The following DLK1 variants were observed in gnomAD, a reference collection of about 807,000 sequenced individuals.
DLK1 encodes the protein protein delta homolog 1.
Under a neutral mutation model 35.2 loss-of-function variants are expected in DLK1, and 9 were observed. That is an observed-to-expected ratio of 0.26 (90% CI 0.15 to 0.45). The LOEUF (loss-of-function observed/expected upper bound fraction) is 0.45. Ranked by LOEUF, DLK1 falls within the 20% of genes least tolerant of loss-of-function variation. DLK1 has a pLI of 1.00. For synonymous variants in DLK1, 231 were observed against 228.4 expected, an observed-to-expected ratio of 1.01 and a Z score of -0.10; for missense variants, 522 against 528.5, an observed-to-expected ratio of 0.99 and a Z score of 0.12.
chr14:100,730,740 C>T (rs1304942406), intron 3 of DLK1, among the ~76,000 whole-genome samples: 1 of 152,190 alleles, frequency 6.6e-6, no homozygotes. Flanking sequence ...GACGCGGAGG[C>T]GCCACGTGCT....
chr14:100,729,310 G>A (rs1404769022), intron 3 of DLK1: 14 of 697,552 alleles, frequency 2.0e-5, no homozygotes, highest in Non-Finnish European at 3.0e-5. Flanking sequence ...GGAACATGGC[G>A]TGGGGGCCAG....
rs773256340 is a variant in DLK1 at position 100,734,363 on chromosome 14, C to T, written c.619C>T (p.Arg207Cys). Reference sequence around the variant, plus strand: ...CGGCTTCATCGACAAGACCTGCAGCCGCCCGGTGACCAACTGCGCCAGCAG... The same window carrying T: ...CGGCTTCATCGACAAGACCTGCAGCTGCCCGGTGACCAACTGCGCCAGCAG... ...PAGFIDKTCSRPVTNCASSPC... is the reference protein window; with the variant it reads ...PAGFIDKTCSCPVTNCASSPC... Residue 207 changes from arginine to cysteine, a missense_variant, in exon 5 of 5, where the codon CGC becomes TGC. Physicochemically the swap from Arg to Cys is radical, Grantham distance 180 (BLOSUM62 -3). Coordinates refer to ENST00000341267, the MANE Select transcript of DLK1 (RefSeq NM_003836.7). The surrounding 1 kb of genome is among the most constrained non-coding windows in gnomAD (Gnocchi z 7.4). 35 of 1,612,180 alleles carry T rather than the reference C, an allele frequency of 2.2e-5. No individual in the cohort carries two copies. Among genetic ancestry groups the T allele is most frequent in the Middle Eastern group, 1.6e-4 (1 of 6,074 alleles).
chr14:100,732,724 G>T (rs888450737), intron 4 of DLK1, among the ~76,000 whole-genome samples: 1 of 152,184 alleles, frequency 6.6e-6, no homozygotes, highest in Non-Finnish European at 1.5e-5. Context: ...GGACTCCTGG[G>T]CAGCGGACAT....
At position 100,738,058 on chromosome 14, in the gene DLK1, G is replaced by A. The variant is rs2139869301; in HGVS notation, c.*3162G>A. Reference sequence around the variant, plus strand: ...GCTCAAAGACAGCGATCCAAGACATGATCAGCAATTTGGTCCCAAATTAGG... The same window carrying A: ...GCTCAAAGACAGCGATCCAAGACATAATCAGCAATTTGGTCCCAAATTAGG... On this transcript the variant is annotated 3_prime_UTR_variant, in exon 5 of 5. Transcript: ENST00000341267. The A allele has an allele frequency of 6.6e-6, 1 of 152,306 alleles. No homozygotes were observed. Among genetic ancestry groups the A allele is most frequent in the African/African-American group, 2.4e-5 (1 of 41,562 alleles). 9.4% of individuals were successfully genotyped at this position (152,306 alleles called of 1,614,324 possible).
Position 100,734,143 on chromosome 14 carries a change from T to C in DLK1, c.405-6T>C, listed in dbSNP as rs1242763963. On this transcript the variant is annotated splice_region_variant and splice_polypyrimidine_tract_variant and intron_variant, in intron 4 of 4. Coordinates refer to ENST00000341267, the MANE Select transcript of DLK1 (RefSeq NM_003836.7). This position sits in a 1 kb window ranked among gnomAD's most constrained non-coding sequence, Gnocchi z 7.4. The stretch of plus-strand genomic sequence containing the variant: ...GGCCGTTTACTATGTCCCTGTTGTG[T>C]TGCAGCTCCCCCTGCCAGCACGGAG... 1 of 1,594,904 alleles carries C rather than the reference T, an allele frequency of 6.3e-7. No individual in the cohort carries two copies. Among genetic ancestry groups the C allele is most frequent in the East Asian group, 2.2e-5 (1 of 44,780 alleles).
Position 100,726,990 on chromosome 14 carries a change from A to T in DLK1, c.-79A>T. 7.2e-7 allele frequency: 1 copy of T among 1,381,768 alleles called. No homozygotes were observed. The highest frequency in any genetic ancestry group is 9.5e-7 in the Non-Finnish European group (1 of 1,057,296). The allele number at this position is 1,381,768 out of a possible 1,614,324, so 85.6% of individuals were successfully genotyped here. A position where few individuals can be genotyped will look rare whatever the true frequency, so the allele number is the denominator to read the frequency against. On this transcript the variant is annotated 5_prime_UTR_variant, in exon 1 of 5. Transcript: ENST00000341267. The surrounding 1 kb of genome is among the most constrained non-coding windows in gnomAD (Gnocchi z 4.2). ...CGCCCGCGCCCCCTTTCGCGTCCGCAACCAGAAGCCCAGTGCGGCGCCAGG... is the reference window on the plus strand; with the variant it reads ...CGCCCGCGCCCCCTTTCGCGTCCGCTACCAGAAGCCCAGTGCGGCGCCAGG...
At chr14:100,729,238 C>T (rs965665885) in intron 3 of DLK1, 172 bp downstream of exon 3, 2 of 1,174,212 alleles carry the variant, frequency 1.7e-6, no homozygotes, top group South Asian at 1.3e-5. Flanking sequence ...TACCGAATGC[C>T]TCCTCAGAGG....
Position 100,726,913 on chromosome 14 carries a change from G to A in DLK1, c.-156G>A, listed in dbSNP as rs2036439908. ...CGGCGGCAGCTCCCCGGCAGCGGCG[G>A]TGGAGAGCGCAGCGCGCAGCCCGGT... is the stretch of plus-strand genomic sequence containing the variant. On this transcript the variant is annotated 5_prime_UTR_variant, in exon 1 of 5. The change creates a new upstream start codon in the 5' untranslated region. Transcript: ENST00000341267. This position sits in a 1 kb window ranked among gnomAD's most constrained non-coding sequence, Gnocchi z 4.2. 2 of 587,876 alleles carry A rather than the reference G, an allele frequency of 3.4e-6. No individual in the cohort carries two copies. The highest frequency in any genetic ancestry group is 3.9e-5 in the African/African-American group (2 of 50,934). 36.4% of individuals were successfully genotyped at this position (587,876 alleles called of 1,614,324 possible).
chr14:100,732,190 A>G lies in DLK1; in HGVS notation c.404+7A>G, dbSNP rs765925458. ...GGCCCTGTGTGATCAACGGGTAAAT[A>G]TCCTTCCTGTGTGTGATCTAATGAA... On this transcript the variant is annotated splice_region_variant and intron_variant, in intron 4 of 4. Transcript: ENST00000341267. The G allele has an allele frequency of 1.2e-6, 2 of 1,611,766 alleles. No homozygotes were observed. The highest frequency in any genetic ancestry group is 1.7e-6 in the Non-Finnish European group (2 of 1,178,958).
In DLK1 at chr14:100,731,584, G is replaced by C. The variant is rs568343142; in HGVS notation, c.263-458G>C. On this transcript the variant is annotated intron_variant, in intron 3 of 4. Coordinates refer to ENST00000341267, the MANE Select transcript of DLK1 (RefSeq NM_003836.7). ...CTTTGATGGAAAAGTATGAAGAGCT[G>C]GTGGTTTTTCTGAGGGTTGGGCTGT... is the stretch of plus-strand genomic sequence containing the variant. 5.3e-5 allele frequency among the ~76,000 whole-genome samples: 8 copies of C among 152,152 alleles called. No homozygotes were observed. In the South Asian group the frequency reaches 1.7e-3, roughly 32 times the overall value.
In DLK1 at chr14:100,728,538, A is replaced by T; in HGVS notation, c.131+79A>T. On this transcript the variant is annotated intron_variant, in intron 2 of 4. Transcript: ENST00000341267. The stretch of plus-strand genomic sequence containing the variant: ...GAGTCGTGAAGTCAGGCAGAAAAAA[A>T]TAGGGGGCTTGGCCACTACGCTGCA... 7 of 1,450,864 alleles carry T rather than the reference A, an allele frequency of 4.8e-6. 1 individual carries two copies. In the South Asian group the frequency reaches 7.9e-5, roughly 16 times the overall value. The allele number at this position is 1,450,864 out of a possible 1,614,324, so 89.9% of individuals were successfully genotyped here.
In DLK1 at chr14:100,734,290, C is replaced by A. The variant is rs201043185; in HGVS notation, c.546C>A (p.Asp182Glu). The change falls in exon 5 of 5, where the codon GAC becomes GAA. Residue 182 changes from aspartate (D) to glutamate (E), a missense_variant. Physicochemically the swap from Asp to Glu is conservative, Grantham distance 45. Coordinates refer to ENST00000341267, the MANE Select transcript of DLK1 (RefSeq NM_003836.7). The surrounding 1 kb of genome is among the most constrained non-coding windows in gnomAD (Gnocchi z 7.4). ...NSCTPNPCEN[D>E]GVCTDIGGDF... Reference sequence around the variant, plus strand: ...GCACCCCCAACCCATGCGAGAACGACGGCGTCTGCACTGACATTGGGGGCG... The same window carrying A: ...GCACCCCCAACCCATGCGAGAACGAAGGCGTCTGCACTGACATTGGGGGCG... The A allele has an allele frequency of 6.2e-7, 1 of 1,613,468 alleles. No homozygotes were observed. The highest frequency in any genetic ancestry group is 1.3e-5 in the African/African-American group (1 of 75,044).
chr14:100,727,178 C>G, intron 1 of DLK1, 43 bp downstream of exon 1: 1 of 1,507,994 alleles, frequency 6.6e-7, no homozygotes. Flanking sequence ...TCTGGGGAAG[C>G]CTGCGACTCC....
In DLK1 at chr14:100,728,972, G is replaced by A; in HGVS notation, c.168G>A (p.Gln56=). The A allele has an allele frequency of 6.2e-7, 1 of 1,614,126 alleles. No homozygotes were observed. Among genetic ancestry groups the A allele is most frequent in the Non-Finnish European group, 8.5e-7 (1 of 1,180,046 alleles). ...QPGWQGPLCD[Q]CVTSPGCLHG... is the part of the protein sequence containing the mutation. ...GCTGGCAGGGTCCCCTTTGTGACCAGTGCGTGACCTCTCCCGGCTGCCTTC... is the reference window on the plus strand; with the variant it reads ...GCTGGCAGGGTCCCCTTTGTGACCAATGCGTGACCTCTCCCGGCTGCCTTC... The change falls in exon 3 of 5, where the codon CAG becomes CAA. Residue 56 remains glutamine (Q), a synonymous_variant. Coordinates refer to ENST00000341267, the MANE Select transcript of DLK1 (RefSeq NM_003836.7).
At chr14:100,728,618 G>A (rs1022670371) in intron 2 of DLK1, 159 bp downstream of exon 2, 2 of 230,518 alleles carry the variant, frequency 8.7e-6, no homozygotes, top group African/African-American at 2.7e-5. Context: ...GGGGAGATGG[G>A]GGGGGCGGGG....
chr14:100,734,133 C>G lies in DLK1; in HGVS notation c.405-16C>G. 1 of 1,588,344 alleles carries G rather than the reference C, an allele frequency of 6.3e-7. No individual in the cohort carries two copies. On this transcript the variant is annotated splice_polypyrimidine_tract_variant and intron_variant, in intron 4 of 4. Coordinates refer to ENST00000341267, the MANE Select transcript of DLK1 (RefSeq NM_003836.7). The surrounding 1 kb of genome is among the most constrained non-coding windows in gnomAD (Gnocchi z 7.4). The stretch of plus-strand genomic sequence containing the variant: ...TAGCCCCTGAGGCCGTTTACTATGT[C>G]CCTGTTGTGTTGCAGCTCCCCCTGC...
At position 100,734,991 on chromosome 14, in the gene DLK1, T is replaced by C. The variant is rs1458441171; in HGVS notation, c.*95T>C. ...TCTTTGTGGTGTTCGCTATCTCTTG[T>C]GTCAAATCTGGTGAACGCTACGCTT... On this transcript the variant is annotated 3_prime_UTR_variant, in exon 5 of 5. Transcript: ENST00000341267. The surrounding 1 kb of genome is among the most constrained non-coding windows in gnomAD (Gnocchi z 7.4). 1 of 1,471,184 alleles carries C rather than the reference T, an allele frequency of 6.8e-7. No individual in the cohort carries two copies. The highest frequency in any genetic ancestry group is 1.4e-5 in the African/African-American group (1 of 71,040). 91.1% of individuals were successfully genotyped at this position (1,471,184 alleles called of 1,614,324 possible). A position where few individuals can be genotyped will look rare whatever the true frequency, so the allele number is the denominator to read the frequency against.
At position 100,727,043 on chromosome 14, in the gene DLK1, G is replaced by C. The variant is rs768964367; in HGVS notation, c.-26G>C. ...CCGGACCCGCGCCCGCACCGCTCCC[G>C]GGACCGCGACCCCGGCCGCCCAGAG... On this transcript the variant is annotated 5_prime_UTR_variant, in exon 1 of 5. Coordinates refer to ENST00000341267, the MANE Select transcript of DLK1 (RefSeq NM_003836.7). 2 of 1,554,686 alleles carry C rather than the reference G, an allele frequency of 1.3e-6. No individual in the cohort carries two copies. The highest frequency in any genetic ancestry group is 1.2e-5 in the South Asian group (1 of 84,932).
At chr14:100,730,363 G>A (rs7150520) in intron 3 of DLK1, among the ~76,000 whole-genome samples, 114,279 of 152,056 alleles carry the variant, frequency 0.75, 43,657 homozygotes, top group Middle Eastern at 0.88. Context: ...GAAATTTTCC[G>A]GACAAATGCC....
Sources: gnomAD v4.1 joint callset for allele counts (sites outside exome capture counted in the v4.1 genomes callset) on GRCh38, gnomAD v4.1.1 for gene constraint, Gnocchi (gnomAD v3.1) non-coding constraint, MANE v1.5 for transcripts, NCBI Gene and HGNC (gene_info 2026-07-23, HGNC 2026-07-21) for gene names.